HTR7: variants seen among roughly 807,000 people sequenced by gnomAD.
HTR7 encodes 5-HT-7.
Under a neutral mutation model 34.0 loss-of-function variants are expected in HTR7, and 16 were observed. The ratio of observed to expected loss-of-function variants is 0.47; its 90% CI spans 0.32 to 0.71. The LOEUF (loss-of-function observed/expected upper bound fraction) is 0.71. HTR7 is among the 30% of genes least tolerant of loss of function. HTR7 has a pLI of 0.04. For missense variants in HTR7, 504 were observed against 625.5 expected, an observed-to-expected ratio of 0.81 and a Z score of 2.07; for synonymous variants, 265 against 260.2, an observed-to-expected ratio of 1.02 and a Z score of -0.18.
chr10:90,764,942 C>G (rs1844997857), intron 1 of HTR7, among the ~76,000 whole-genome samples: 1 of 151,982 alleles, frequency 6.6e-6, no homozygotes, highest in Non-Finnish European at 1.5e-5. Flanking sequence ...TAATATTATG[C>G]TGAGGATTGT....
chr10:90,846,623 G>C (rs992531509), intron 1 of HTR7, among the ~76,000 whole-genome samples: 2 of 152,224 alleles, frequency 1.3e-5, no homozygotes, highest in Non-Finnish European at 2.9e-5. Flanking sequence ...CAGGCAAGAA[G>C]ATGGAGGAAA....
chr10:90,815,615 A>G (rs1371494542), intron 1 of HTR7, among the ~76,000 whole-genome samples: 1 of 152,188 alleles, frequency 6.6e-6, no homozygotes, highest in Non-Finnish European at 1.5e-5. Flanking sequence ...TAGCTAATGA[A>G]CACTGGGCTT....
At chr10:90,803,891 T>G (rs975269663) in intron 1 of HTR7, among the ~76,000 whole-genome samples, 2 of 152,162 alleles carry the variant, frequency 1.3e-5, no homozygotes, top group African/African-American at 4.8e-5. Context: ...AGCCTGTGCC[T>G]GTGGCCCTAA....
At chr10:90,842,620 T>C (rs1476290703) in intron 1 of HTR7, among the ~76,000 whole-genome samples, 1 of 152,066 alleles carries the variant, frequency 6.6e-6, no homozygotes, top group African/African-American at 2.4e-5. Context: ...CTACTGTCAG[T>C]TCCTATGCTC....
intron 2 of HTR7, among the ~76,000 whole-genome samples, chr10:90,747,009 T>C (rs1382992951): frequency 2.0e-5 from 3 of 152,240 alleles, no homozygotes; most frequent in Admixed American, 1.3e-4. Context: ...GCCTATATAC[T>C]GAAGTCACTT....
intron 1 of HTR7, among the ~76,000 whole-genome samples, chr10:90,817,926 C>T (rs576974967): frequency 1.3e-5 from 2 of 152,220 alleles, no homozygotes; most frequent in South Asian, 2.1e-4. Context: ...TATCCATGAA[C>T]CTCAAAACTA....
intron 1 of HTR7, among the ~76,000 whole-genome samples, chr10:90,839,453 A>G (rs1846295892): frequency 6.6e-6 from 1 of 152,192 alleles, no homozygotes; most frequent in Admixed American, 6.5e-5. Flanking sequence ...TGAAAAAAAA[A>G]CCATTTAAAA....
rs747462452 is a variant in HTR7 at position 90,749,141 on chromosome 10, G to A, written c.993C>T (p.Ile331=). 4 of 1,614,182 alleles carry A rather than the reference G, an allele frequency of 2.5e-6. No homozygotes were observed. In the Admixed American group the frequency reaches 6.7e-5, roughly 27 times the overall value. ...REQKAATTLG[I]IVGAFTVCWL... is the part of the protein sequence containing the mutation. ...AGCACACGGTAAAGGCCCCGACGAT[G>A]ATCCCCAGGGTGGTGGCTGCTTTCT... The change falls in exon 2 of 4, where the codon ATC becomes ATT. Residue 331 remains isoleucine (I), a synonymous_variant. Coordinates refer to ENST00000336152, the MANE Select transcript of HTR7 (RefSeq NM_019859.4). This position sits in a 1 kb window ranked among gnomAD's most constrained non-coding sequence, Gnocchi z 4.2.
At chr10:90,845,084 C>T (rs1047598923) in intron 1 of HTR7, among the ~76,000 whole-genome samples, 9 of 152,156 alleles carry the variant, frequency 5.9e-5, no homozygotes, top group Admixed American at 2.6e-4. Context: ...ATCAGGAGGA[C>T]TTGGTGATCA....
intron 2 of HTR7, among the ~76,000 whole-genome samples, chr10:90,747,880 C>A (rs2119670974): frequency 6.6e-6 from 1 of 152,308 alleles, no homozygotes; most frequent in South Asian, 2.1e-4. Flanking sequence ...TCTCCTCTAC[C>A]TCACATTTAA....
chr10:90,840,306 C>T (rs1020298031), intron 1 of HTR7, among the ~76,000 whole-genome samples: 9 of 151,858 alleles, frequency 5.9e-5, no homozygotes, highest in African/African-American at 1.7e-4. Context: ...TAATTGTCAT[C>T]GTAACCCAAA....
chr10:90,779,976 A>T (rs574288991), intron 1 of HTR7, among the ~76,000 whole-genome samples: 1 of 152,192 alleles, frequency 6.6e-6, no homozygotes, highest in Admixed American at 6.5e-5. Context: ...CCAGCCCTGC[A>T]TGCAGGCTAG....
chr10:90,817,652 C>T (rs1365325824), intron 1 of HTR7, among the ~76,000 whole-genome samples: 1 of 152,166 alleles, frequency 6.6e-6, no homozygotes, highest in Admixed American at 6.5e-5. Flanking sequence ...ATAGGTGCTT[C>T]TGTGACTCAA....
At chr10:90,745,980 C>T (rs185963527) in intron 2 of HTR7, among the ~76,000 whole-genome samples, 19 of 152,316 alleles carry the variant, frequency 1.2e-4, no homozygotes, top group African/African-American at 4.6e-4. Context: ...AGGCAAATAT[C>T]TTTAGACTTT....
chr10:90,743,170 C>A (rs1002430180), intron 3 of HTR7, among the ~76,000 whole-genome samples: 2 of 152,190 alleles, frequency 1.3e-5, no homozygotes, highest in African/African-American at 4.8e-5. Flanking sequence ...TGCCCCTAAT[C>A]TCCACCTACC....
intron 1 of HTR7, among the ~76,000 whole-genome samples, chr10:90,758,782 GA>G (rs149599589): frequency 3.3e-5 from 5 of 150,370 alleles, no homozygotes; most frequent in Admixed American, 6.6e-5. Context: ...ATTTGGGAAA[GA>G]AAAAAAAATC....
At chr10:90,848,282 G>A (rs61857738) in intron 1 of HTR7, among the ~76,000 whole-genome samples, 16,307 of 152,086 alleles carry the variant, frequency 0.11, 1,140 homozygotes, top group Non-Finnish European at 0.16. Context: ...GGCTGGTCTC[G>A]AACTCCAGAC....
chr10:90,777,037 C>T (rs548447493), intron 1 of HTR7, among the ~76,000 whole-genome samples: 4 of 152,258 alleles, frequency 2.6e-5, no homozygotes, highest in African/African-American at 9.6e-5. Flanking sequence ...ATATAATAGC[C>T]TCACTAACTG....
At chr10:90,744,536 A>T (rs1844605367) in intron 2 of HTR7, among the ~76,000 whole-genome samples, 1 of 127,658 alleles carries the variant, frequency 7.8e-6, no homozygotes, top group African/African-American at 3.0e-5. Context: ...ACTACTACAG[A>T]GTGTCCCACA....
Sources: allele counts gnomAD v4.1 joint callset (sites outside exome capture counted in the v4.1 genomes callset), GRCh38; gene constraint gnomAD v4.1.1; non-coding constraint Gnocchi (gnomAD v3.1); transcripts MANE v1.5; gene names NCBI Gene and HGNC (gene_info 2026-07-23, HGNC 2026-07-21).